ANGPT1: variants seen among roughly 807,000 people sequenced by gnomAD.
ANGPT1 encodes the protein angiopoietin 1.
ANGPT1 carries 17 observed loss-of-function variants against 62.2 expected under a neutral mutation model. The observed-to-expected ratio is 0.27, with a 90% CI of 0.19 to 0.41. The LOEUF (loss-of-function observed/expected upper bound fraction) is 0.41, where lower values mean the gene tolerates loss of function less well. Among genes scored for constraint, ANGPT1 ranks in the 10% least tolerant of loss-of-function variants. The pLI is 1.00. For synonymous variants in ANGPT1, 199 were observed against 198.9 expected (o/e 1.00, Z 0.00); for missense variants, 478 against 594.9 (o/e 0.80, Z 2.04).
chr8:107,488,870 G>C (rs2130536980), intron 1 of ANGPT1, among the ~76,000 whole-genome samples: 1 of 152,248 alleles, frequency 6.6e-6, no homozygotes, highest in African/African-American at 2.4e-5. Context: ...GTGAAGACAA[G>C]AACATTGTTA....
chr8:107,410,184 C>A (rs1453844382), intron 1 of ANGPT1, among the ~76,000 whole-genome samples: 1 of 152,210 alleles, frequency 6.6e-6, no homozygotes, highest in Admixed American at 6.5e-5. Context: ...ACAAAGTTCA[C>A]AAATCAGTGG....
chr8:107,446,847 T>C (rs777261159), intron 1 of ANGPT1, among the ~76,000 whole-genome samples: 2 of 152,206 alleles, frequency 1.3e-5, no homozygotes. Flanking sequence ...AATTCCAGAC[T>C]CAACAATTGT....
chr8:107,441,968 C>T (rs970184905), intron 1 of ANGPT1, among the ~76,000 whole-genome samples: 3 of 152,124 alleles, frequency 2.0e-5, no homozygotes, highest in South Asian at 2.1e-4. Context: ...TCTGTAATCG[C>T]GGCTACTCAG....
At chr8:107,271,606 AG>A (rs2130071296) in intron 7 of ANGPT1, among the ~76,000 whole-genome samples, 1 of 152,100 alleles carries the variant, frequency 6.6e-6, no homozygotes, top group East Asian at 1.9e-4. Flanking sequence ...CAAACCCATG[AG>A]GCCCCATATC....
intron 1 of ANGPT1, among the ~76,000 whole-genome samples, chr8:107,399,777 G>A (rs912634990): frequency 6.6e-6 from 1 of 152,058 alleles, no homozygotes; most frequent in South Asian, 2.1e-4. Context: ...TCAACACAGT[G>A]GTCAGTCACA....
intron 1 of ANGPT1, among the ~76,000 whole-genome samples, chr8:107,378,858 T>A (rs1276644374): frequency 1.3e-5 from 2 of 151,850 alleles, no homozygotes; most frequent in Non-Finnish European, 2.9e-5. Flanking sequence ...CCTCTTTTGT[T>A]TATAAATTAC....
chr8:107,391,993 G>A (rs1327863812), intron 1 of ANGPT1, among the ~76,000 whole-genome samples: 1 of 152,102 alleles, frequency 6.6e-6, no homozygotes, highest in East Asian at 1.9e-4. Context: ...TGATGGAAAT[G>A]TTGTTATGTG....
At chr8:107,367,872 T>G (rs536745032) in intron 1 of ANGPT1, among the ~76,000 whole-genome samples, 2 of 152,332 alleles carry the variant, frequency 1.3e-5, no homozygotes, top group South Asian at 4.1e-4. Flanking sequence ...CTCTTGCTAT[T>G]TCCACCACAT....
chr8:107,427,491 C>T (rs1695289126), intron 1 of ANGPT1, among the ~76,000 whole-genome samples: 2 of 152,218 alleles, frequency 1.3e-5, no homozygotes, highest in Admixed American at 6.5e-5. Flanking sequence ...CAGACGCTCT[C>T]CTGAAGATGC....
chr8:107,274,434 A>G (rs1813811679), intron 7 of ANGPT1, among the ~76,000 whole-genome samples: 1 of 152,172 alleles, frequency 6.6e-6, no homozygotes, highest in Non-Finnish European at 1.5e-5. Context: ...GTTAAGAGAA[A>G]TGAACAATGT....
intron 1 of ANGPT1, among the ~76,000 whole-genome samples, chr8:107,468,186 G>A (rs78534877): frequency 0.023 from 3,478 of 152,080 alleles, 48 homozygotes; most frequent in Non-Finnish European, 0.033. Flanking sequence ...GAACTGTTAC[G>A]AACAGAATCT....
chr8:107,276,552 A>T (rs1314671719), intron 7 of ANGPT1, among the ~76,000 whole-genome samples: 3 of 152,128 alleles, frequency 2.0e-5, no homozygotes, highest in Non-Finnish European at 4.4e-5. Context: ...GGGAGGCTCG[A>T]GAGAATTCTT....
rs140200194 is a variant in ANGPT1 at position 107,282,366 on chromosome 8, C to T, written c.1205+2316G>A. 2.4e-3 allele frequency among the ~76,000 whole-genome samples: 370 copies of T among 151,102 alleles called. 1 individual carries two copies. Among genetic ancestry groups the T allele is most frequent in the African/African-American group, 8.6e-3 (355 of 41,172 alleles). On this transcript the variant is annotated intron_variant, in intron 7 of 8. Transcript: ENST00000517746. ...ATTGAATGAGGCAGGAGTTAGACAT[C>T]CCTTATTTAAGTCTTTCTCCCTTTT...
intron 7 of ANGPT1, among the ~76,000 whole-genome samples, chr8:107,283,128 G>T (rs1293371100): frequency 1.3e-5 from 2 of 152,152 alleles, no homozygotes; most frequent in Non-Finnish European, 2.9e-5. Context: ...TAGTCCTATT[G>T]TCAGGCTGTC....
intron 1 of ANGPT1, among the ~76,000 whole-genome samples, chr8:107,397,860 C>T (rs933706125): frequency 6.6e-6 from 1 of 152,132 alleles, no homozygotes; most frequent in Non-Finnish European, 1.5e-5. Context: ...TAAAACATTT[C>T]CTTCTGAGCA....
chr8:107,365,217 A>C (rs1816247521), intron 1 of ANGPT1, among the ~76,000 whole-genome samples: 1 of 152,214 alleles, frequency 6.6e-6, no homozygotes, highest in Non-Finnish European at 1.5e-5. Flanking sequence ...CAATGGTAAG[A>C]CAAGGCAAAT....
rs1813160818 is a variant in ANGPT1 at position 107,497,913 on chromosome 8, T to A, written c.-355A>T. 1 of 430,340 alleles carries A rather than the reference T, an allele frequency of 2.3e-6. No homozygotes were observed. Among genetic ancestry groups the A allele is most frequent in the Non-Finnish European group, 4.1e-6 (1 of 245,548 alleles). The allele number at this position is 430,340 out of a possible 1,614,324, so 26.7% of individuals were successfully genotyped here. On this transcript the variant is annotated 5_prime_UTR_variant, in exon 1 of 9. Coordinates refer to ENST00000517746, the MANE Select transcript of ANGPT1 (RefSeq NM_001146.5). ...TTTCCTCTACCCTATCTGCTGCAGA[T>A]CTGCTATTTTCTCCCAGACCTCAGT...
intron 1 of ANGPT1, among the ~76,000 whole-genome samples, chr8:107,434,149 T>C (rs780394152): frequency 1.4e-4 from 21 of 152,178 alleles, no homozygotes; most frequent in Admixed American, 3.3e-4. Flanking sequence ...AATAAGATTT[T>C]AATATCTAAG....
chr8:107,451,241 T>G (rs765097447), intron 1 of ANGPT1, among the ~76,000 whole-genome samples: 3 of 151,656 alleles, frequency 2.0e-5, no homozygotes, highest in Non-Finnish European at 4.4e-5. Context: ...AAAGTACAGA[T>G]TCAGGAAGGG....
Sources: gnomAD v4.1 joint callset for allele counts (sites outside exome capture counted in the v4.1 genomes callset) on GRCh38, gnomAD v4.1.1 for gene constraint, MANE v1.5 for transcripts, NCBI Gene and HGNC (gene_info 2026-07-23, HGNC 2026-07-21) for gene names.